PCSK5: variants seen among roughly 807,000 people sequenced by gnomAD.
PCSK5 encodes prohormone convertase 5.
Under a neutral mutation model 233.2 loss-of-function variants are expected in PCSK5, and 129 were observed. That is an observed-to-expected ratio of 0.55 (90% CI 0.48 to 0.64). The LOEUF is 0.64. PCSK5 is among the 30% of genes least tolerant of loss of function. The pLI, the probability that PCSK5 is intolerant of heterozygous loss-of-function variation, is 0.00. For missense variants in PCSK5, 2,076 were observed against 2,430.1 expected, an observed-to-expected ratio of 0.85 and a Z score of 3.06; for synonymous variants, 825 against 879.2, an observed-to-expected ratio of 0.94 and a Z score of 1.09.
intron 3 of PCSK5, among the ~76,000 whole-genome samples, chr9:76,013,563 G>A (rs1012778581): frequency 6.6e-6 from 1 of 152,186 alleles, no homozygotes; most frequent in African/African-American, 2.4e-5. Context: ...AGGACTTGGA[G>A]AGTAAATTAT....
intron 3 of PCSK5, among the ~76,000 whole-genome samples, chr9:76,018,990 C>G (rs186906877): frequency 6.6e-6 from 1 of 152,294 alleles, no homozygotes; most frequent in Admixed American, 6.5e-5. Flanking sequence ...AGTTTTAACA[C>G]AAGAGTTACA....
intron 1 of PCSK5, among the ~76,000 whole-genome samples, chr9:75,919,194 G>A (rs1410563421): frequency 6.6e-6 from 1 of 152,140 alleles, no homozygotes; most frequent in Non-Finnish European, 1.5e-5. Flanking sequence ...TTTCCAGAAG[G>A]TCATATAAAT....
Position 76,292,505 on chromosome 9 carries a change from T to C in PCSK5, c.3185+230T>C, listed in dbSNP as rs143497476. ...TCCTGGAAGTCATCCAGCCTGACAC[T>C]GGTGTCTAGGAATCCTGCCATGGGT... On this transcript the variant is annotated intron_variant, in intron 25 of 37. Coordinates refer to ENST00000674117, the MANE Select transcript of PCSK5 (RefSeq NM_001372043.1). Among the ~76,000 whole-genome samples the C allele has an allele frequency of 6.0e-3, 916 of 152,332 alleles. 7 individuals are homozygous for C. The highest frequency in any genetic ancestry group is 0.019 in the African/African-American group (774 of 41,576).
chr9:76,149,289 G>C (rs1587688484), intron 10 of PCSK5, among the ~76,000 whole-genome samples: 1 of 152,146 alleles, frequency 6.6e-6, no homozygotes, highest in African/African-American at 2.4e-5. Flanking sequence ...CTCCAACAGT[G>C]GGTGAAGAAG....
intron 3 of PCSK5, among the ~76,000 whole-genome samples, chr9:76,013,653 A>G (rs1251255204): frequency 1.3e-5 from 2 of 152,150 alleles, no homozygotes; most frequent in Non-Finnish European, 2.9e-5. Context: ...GATAATGATT[A>G]TGTTGTCAAA....
At chr9:76,041,259 T>C (rs910806028) in intron 5 of PCSK5, among the ~76,000 whole-genome samples, 8 of 152,234 alleles carry the variant, frequency 5.3e-5, no homozygotes, top group Non-Finnish European at 1.0e-4. Flanking sequence ...AAGTTACTAC[T>C]GTAGGTTAAA....
intron 25 of PCSK5, among the ~76,000 whole-genome samples, chr9:76,293,696 C>T (rs1231893326): frequency 8.5e-5 from 13 of 152,330 alleles, no homozygotes; most frequent in East Asian, 1.9e-4. Context: ...CTCTGTTAAA[C>T]GTTGGAGCCA....
intron 13 of PCSK5, among the ~76,000 whole-genome samples, chr9:76,171,363 C>A (rs1231726480): frequency 2.0e-5 from 3 of 152,138 alleles, no homozygotes; most frequent in Non-Finnish European, 4.4e-5. Flanking sequence ...GGACAAGAGA[C>A]CCCGGAGAAA....
At chr9:76,223,576 A>C (rs1178128014) in intron 20 of PCSK5, among the ~76,000 whole-genome samples, 2 of 152,206 alleles carry the variant, frequency 1.3e-5, no homozygotes, top group Non-Finnish European at 2.9e-5. Context: ...AAGTGACTAC[A>C]CTTCCTCAGT....
intron 24 of PCSK5, among the ~76,000 whole-genome samples, chr9:76,264,857 C>G (rs1827286232): frequency 6.6e-6 from 1 of 152,088 alleles, no homozygotes; most frequent in South Asian, 2.1e-4. Context: ...TACTGTTTGA[C>G]CCAACAATCC....
At chr9:76,127,744 C>G (rs968710143) in intron 9 of PCSK5, among the ~76,000 whole-genome samples, 1 of 152,198 alleles carries the variant, frequency 6.6e-6, no homozygotes, top group Non-Finnish European at 1.5e-5. Context: ...TTCCTAATCT[C>G]AATAAATCAT....
chr9:76,322,612 A>G (rs1054433459), intron 31 of PCSK5, among the ~76,000 whole-genome samples: 5 of 152,226 alleles, frequency 3.3e-5, no homozygotes, highest in African/African-American at 1.2e-4. Context: ...TCCTGTATTC[A>G]TTGTTGTACC....
chr9:76,175,745 G>GA (rs1354534254), intron 14 of PCSK5, among the ~76,000 whole-genome samples: 4 of 151,228 alleles, frequency 2.6e-5, no homozygotes, highest in African/African-American at 9.7e-5. Context: ...CCTGCCAACA[G>GA]AAAAAAATAA....
chr9:76,269,823 GT>G (rs554808601), intron 24 of PCSK5, among the ~76,000 whole-genome samples: 1 of 152,306 alleles, frequency 6.6e-6, no homozygotes, highest in South Asian at 2.1e-4. Context: ...AATTTGTGAA[GT>G]TTTAAAAAGG....
chr9:76,160,181 T>C (rs1474161577), intron 12 of PCSK5, among the ~76,000 whole-genome samples: 2 of 152,166 alleles, frequency 1.3e-5, no homozygotes, highest in African/African-American at 2.4e-5. Flanking sequence ...CTCTCCTCCC[T>C]GCTTCCTCCA....
chr9:76,212,285 G>A (rs771572344), intron 20 of PCSK5, among the ~76,000 whole-genome samples: 2 of 152,182 alleles, frequency 1.3e-5, no homozygotes, highest in Non-Finnish European at 2.9e-5. Context: ...CTTATGGCAT[G>A]GCTGTAGGGG....
At chr9:76,158,905 T>G in intron 11 of PCSK5, 78 bp from the exon 12 acceptor site, 1 of 1,195,390 alleles carries the variant, frequency 8.4e-7, no homozygotes, top group Non-Finnish European at 1.2e-6. Flanking sequence ...CATTGTGTAT[T>G]TATTCCATGC....
At chr9:76,177,347 C>A (rs1823659277) in intron 14 of PCSK5, among the ~76,000 whole-genome samples, 1 of 152,080 alleles carries the variant, frequency 6.6e-6, no homozygotes, top group African/African-American at 2.4e-5. Flanking sequence ...TTTAATGTAT[C>A]TTTAGATGAG....
intron 20 of PCSK5, 125 bp from the exon 21 acceptor site, chr9:76,227,378 C>A (rs1825927221): frequency 6.0e-6 from 4 of 664,800 alleles, no homozygotes; most frequent in Admixed American, 2.3e-5. Flanking sequence ...CCATTCAGGG[C>A]CTCTCCTCTC....
Sources: gnomAD v4.1 joint callset for allele counts (sites outside exome capture counted in the v4.1 genomes callset) on GRCh38, gnomAD v4.1.1 for gene constraint, MANE v1.5 for transcripts, NCBI Gene and HGNC (gene_info 2026-07-23, HGNC 2026-07-21) for gene names.